Variants in SCAF4 observed in about 807,000 individuals in gnomAD.
SCAF4 encodes SR-related and CTD-associated factor 4.
Under a neutral mutation model 129.8 loss-of-function variants are expected in SCAF4, and 25 were observed. The observed-to-expected ratio is 0.19, with a 90% confidence interval of 0.14 to 0.27. The LOEUF is 0.27. SCAF4 is among the 10% of genes least tolerant of loss of function. SCAF4 has a pLI of 1.00. For missense variants in SCAF4, 1,246 were observed against 1,457.1 expected (o/e 0.86, Z 2.36); for synonymous variants, 551 against 497.7 (o/e 1.11, Z -1.43).
At position 31,731,710 on chromosome 21, in the gene SCAF4, G is replaced by A. The variant is rs2051365370; in HGVS notation, c.-18C>T. 3.8e-6 allele frequency: 6 copies of A among 1,576,642 alleles called. No homozygotes were observed. The highest frequency in any genetic ancestry group is 4.3e-6 in the Non-Finnish European group (5 of 1,168,218). ...GCGTCCATGTTCGCGCTGCGGCGGC[G>A]GCTGCTCCGGGCCCGCCGGTCACAT... On this transcript the variant is annotated 5_prime_UTR_variant, in exon 1 of 20. Coordinates refer to ENST00000286835, the MANE Select transcript of SCAF4 (RefSeq NM_020706.2).
chr21:31,705,094 T>C (rs1433696393), intron 3 of SCAF4, among the ~76,000 whole-genome samples: 1 of 152,170 alleles, frequency 6.6e-6, no homozygotes, highest in Non-Finnish European at 1.5e-5. Flanking sequence ...ACAAAGTAAT[T>C]TCATTTGAAA....
chr21:31,710,747 T>C (rs1457874944), intron 1 of SCAF4, among the ~76,000 whole-genome samples: 1 of 152,334 alleles, frequency 6.6e-6, no homozygotes, highest in East Asian at 1.9e-4. Flanking sequence ...TTTATTTAGT[T>C]TGGCAATTAG....
intron 19 of SCAF4, among the ~76,000 whole-genome samples, chr21:31,673,744 C>T (rs1480999317): frequency 6.6e-6 from 1 of 152,242 alleles, no homozygotes; most frequent in African/African-American, 2.4e-5. Context: ...CACCTGTGGA[C>T]TTTAATCCAA....
chr21:31,676,793 T>C (rs2049866955), intron 19 of SCAF4, among the ~76,000 whole-genome samples: 1 of 152,202 alleles, frequency 6.6e-6, no homozygotes, highest in Non-Finnish European at 1.5e-5. Flanking sequence ...CAATCAACTT[T>C]AGAACATTTT....
chr21:31,709,155 G>C (rs749967815), intron 1 of SCAF4, among the ~76,000 whole-genome samples: 1 of 152,088 alleles, frequency 6.6e-6, no homozygotes, highest in Non-Finnish European at 1.5e-5. Context: ...AGAGACTGAG[G>C]CCCACTGGGC....
At chr21:31,676,910 G>A (rs1164252329) in intron 19 of SCAF4, among the ~76,000 whole-genome samples, 2 of 151,896 alleles carry the variant, frequency 1.3e-5, no homozygotes, top group African/African-American at 4.8e-5. Context: ...CTGTCTCTGT[G>A]GGTTTACCTA....
intron 1 of SCAF4, among the ~76,000 whole-genome samples, chr21:31,728,535 C>A (rs1315654109): frequency 6.6e-6 from 1 of 152,170 alleles, no homozygotes; most frequent in Non-Finnish European, 1.5e-5. Context: ...CTGCCATTAA[C>A]TAGCAATATG....
At chr21:31,731,014 C>T (rs949596556) in intron 1 of SCAF4, among the ~76,000 whole-genome samples, 5 of 152,176 alleles carry the variant, frequency 3.3e-5, no homozygotes, top group African/African-American at 1.2e-4. Context: ...GGCCATAGAG[C>T]CTATAAGAGG....
In SCAF4 at chr21:31,693,472, C is replaced by T. The variant is rs761217047; in HGVS notation, c.1335G>A (p.Arg445=). The change falls in exon 12 of 20, where the codon AGG becomes AGA. Residue 445 remains arginine, a synonymous_variant. Coordinates refer to ENST00000286835, the MANE Select transcript of SCAF4 (RefSeq NM_020706.2). The part of the protein sequence containing the change: ...RSRSASRSPK[R]RRSRSGSRSR... ...ATCTAGAACCAGATCTAGATCGCCT[C>T]CTTTTTGGTGACCTAATGTTTTCAA... 6.7e-7 allele frequency: 1 copy of T among 1,486,822 alleles called. No homozygotes were observed. The highest frequency in any genetic ancestry group is 9.1e-7 in the Non-Finnish European group (1 of 1,100,006). 92.1% of individuals were successfully genotyped at this position (1,486,822 alleles called of 1,614,324 possible). A position where few individuals can be genotyped will look rare whatever the true frequency, so the allele number is the denominator to read the frequency against.
chr21:31,726,704 A>T (rs1449801067), intron 1 of SCAF4, among the ~76,000 whole-genome samples: 4 of 152,186 alleles, frequency 2.6e-5, no homozygotes, highest in Non-Finnish European at 5.9e-5. Flanking sequence ...AAAGTTTGAG[A>T]ACAGCTGTCC....
intron 12 of SCAF4, among the ~76,000 whole-genome samples, chr21:31,692,751 C>CTGCCA (rs2050289446): frequency 1.3e-5 from 2 of 152,298 alleles, no homozygotes; most frequent in Non-Finnish European, 2.9e-5. Flanking sequence ...CCACCTCACC[C>CTGCCA]TGCCAATGAA....
intron 1 of SCAF4, among the ~76,000 whole-genome samples, chr21:31,726,132 G>A (rs1251033345): frequency 1.3e-5 from 2 of 150,818 alleles, no homozygotes; most frequent in South Asian, 2.1e-4. Flanking sequence ...TGCAAGCTCC[G>A]CCTCCCGGGT....
intron 10 of SCAF4, 76 bp from the exon 11 acceptor site, chr21:31,694,365 T>C (rs1265517776): frequency 2.1e-6 from 2 of 944,140 alleles, no homozygotes; most frequent in African/African-American, 3.3e-5. Context: ...TAACAAAAGC[T>C]ATATTAAAAA....
rs1295082018 is a variant in SCAF4, at chr21:31,692,451, TTAAAA to T, written c.1514-7_1514-3del. 3.7e-6 allele frequency: 6 copies of T among 1,605,334 alleles called. No homozygotes were observed. The highest frequency in any genetic ancestry group is 2.2e-5 in the South Asian group (2 of 90,888). ...CCACCCAGAGGGTAGTACTGCAAAC[TTAAAA>T]TAAAATTACAATCATAAAGAGATTC... On this transcript the variant is annotated splice_polypyrimidine_tract_variant and splice_region_variant and intron_variant, in intron 12 of 19. Coordinates refer to ENST00000286835, the MANE Select transcript of SCAF4 (RefSeq NM_020706.2).
chr21:31,680,475 A>G (rs2049970532), intron 19 of SCAF4, among the ~76,000 whole-genome samples: 2 of 152,246 alleles, frequency 1.3e-5, no homozygotes, highest in South Asian at 4.1e-4. Context: ...TAATTAGAGT[A>G]CCAATTCAAA....
At chr21:31,674,283 T>C (rs1404742508) in intron 19 of SCAF4, among the ~76,000 whole-genome samples, 1 of 152,228 alleles carries the variant, frequency 6.6e-6, no homozygotes, top group African/African-American at 2.4e-5. Context: ...AAATTTACAA[T>C]AATCATATAA....
intron 1 of SCAF4, among the ~76,000 whole-genome samples, chr21:31,730,175 C>G (rs2051313728): frequency 1.3e-5 from 2 of 152,218 alleles, no homozygotes; most frequent in African/African-American, 4.8e-5. Flanking sequence ...ACTGAAACTT[C>G]CTGCCCTCAT....
rs2050090114 is a variant in SCAF4 at position 31,685,233 on chromosome 21, G to C, written c.2304C>G (p.Ile768Met). 1 of 1,595,226 alleles carries C rather than the reference G, an allele frequency of 6.3e-7. No individual in the cohort carries two copies. Among genetic ancestry groups the C allele is most frequent in the Non-Finnish European group, 8.6e-7 (1 of 1,164,156 alleles). ...TTGTAGTGTCTTCATTTATACCAGC[G>C]ATAGTAGCTAAGGAATATAATTATA... ...TPPISIPNST[I>M]AGINEDTTKD... Residue 768 changes from isoleucine (I) to methionine (M), a missense_variant, in exon 19 of 20, where the codon ATC becomes ATG. Ile to Met is a conservative substitution (Grantham distance 10, BLOSUM62 1). Coordinates refer to ENST00000286835, the MANE Select transcript of SCAF4 (RefSeq NM_020706.2).
At position 31,731,745 on chromosome 21, in the gene SCAF4, G is replaced by T; in HGVS notation, c.-53C>A. On this transcript the variant is annotated 5_prime_UTR_variant, in exon 1 of 20. Coordinates refer to ENST00000286835, the MANE Select transcript of SCAF4 (RefSeq NM_020706.2). ...GGCCCGCCGGTCACATAGACCTCGC[G>T]CCGCGGCGGAGCGGGGCTGGGAAAC... is the stretch of plus-strand genomic sequence containing the variant. 6.4e-7 allele frequency: 1 copy of T among 1,551,936 alleles called. No homozygotes were observed.
Sources: gnomAD v4.1 joint callset for allele counts (sites outside exome capture counted in the v4.1 genomes callset) on GRCh38, gnomAD v4.1.1 for gene constraint, MANE v1.5 for transcripts, NCBI Gene and HGNC (gene_info 2026-07-23, HGNC 2026-07-21) for gene names.